The following CAMSAP3 variants were observed in gnomAD, a reference collection of about 807,000 sequenced individuals.
The protein encoded by CAMSAP3 is calmodulin regulated spectrin associated protein family member 3, also known as calmodulin-regulated spectrin-associated protein 3.
Under a neutral mutation model 112.5 loss-of-function variants are expected in CAMSAP3, and 34 were observed. The ratio of observed to expected loss-of-function variants is 0.30; its 90% CI spans 0.23 to 0.40. CAMSAP3 has a LOEUF of 0.40. Ranked by LOEUF, CAMSAP3 falls within the 10% of genes least tolerant of loss-of-function variation. The pLI is 1.00. For synonymous variants in CAMSAP3, 868 were observed against 799.8 expected, an observed-to-expected ratio of 1.09 and a Z score of -1.44; for missense variants, 1,602 against 1,770.3, an observed-to-expected ratio of 0.90 and a Z score of 1.71.
chr19:7,606,451 C>A, intron 3 of CAMSAP3, 25 bp from the exon 4 acceptor site: 1 of 1,608,416 alleles, frequency 6.2e-7, no homozygotes, highest in Non-Finnish European at 8.5e-7. Flanking sequence ...GTGGCCAGAC[C>A]ACTGACCCCC....
chr19:7,616,050 CAT>C, intron 13 of CAMSAP3, among the ~76,000 whole-genome samples: 1 of 140,468 alleles, frequency 7.1e-6, no homozygotes, highest in South Asian at 2.1e-4. Flanking sequence ...ATTAGCCGGG[CAT>C]ATGGCATGCC....
In CAMSAP3 at chr19:7,607,702, G is replaced by T; in HGVS notation, c.622-424G>T. 1 of 418,760 alleles carries T rather than the reference G, an allele frequency of 2.4e-6. No homozygotes were observed. The allele number at this position is 418,760 out of a possible 1,614,324, so 25.9% of individuals were successfully genotyped here. A position where few individuals can be genotyped will look rare whatever the true frequency, so the allele number is the denominator to read the frequency against. On this transcript the variant is annotated intron_variant, in intron 4 of 16. Transcript: ENST00000160298. The surrounding 1 kb of genome is among the most constrained non-coding windows in gnomAD (Gnocchi z 4.9). ...CGAAGCCGGCCAGAGCAGTCAGGGA[G>T]CTGGACGGCCGGGGCTCAGGACCAG...
rs1271240001 is a variant in CAMSAP3 at position 7,615,342 on chromosome 19, G to A, written c.2810+20G>A. 5.9e-6 allele frequency: 9 copies of A among 1,537,424 alleles called. No individual in the cohort carries two copies. Among genetic ancestry groups the A allele is most frequent in the Non-Finnish European group, 7.9e-6 (9 of 1,138,750 alleles). On this transcript the variant is annotated intron_variant, in intron 12 of 16. Coordinates refer to ENST00000160298, the MANE Select transcript of CAMSAP3 (RefSeq NM_020902.2). The surrounding 1 kb of genome is among the most constrained non-coding windows in gnomAD (Gnocchi z 6.5). ...CGCGAGGTGAGGCCGGGCCTGCCCG[G>A]GACGCCCGCTCCTTGGCCTGTCTGC...
At position 7,616,934 on chromosome 19, in the gene CAMSAP3, C is replaced by CTTTTTTTTTTTTTTTTT. The variant is rs545769780; in HGVS notation, c.3212+320_3212+336dup. On this transcript the variant is annotated intron_variant, in intron 14 of 16. Coordinates refer to ENST00000160298, the MANE Select transcript of CAMSAP3 (RefSeq NM_020902.2). ...CTCCTCTGCAGTGTGTGTGGCCCGC[C>CTTTTTTTTTTTTTTTTT]TTTTTTTTTTTTTTTTTTTTTTTTG... Among the ~76,000 whole-genome samples the CTTTTTTTTTTTTTTTTT allele has an allele frequency of 4.8e-4, 40 of 83,028 alleles. 1 individual carries two copies. The highest frequency in any genetic ancestry group is 1.7e-3 in the African/African-American group (32 of 19,120). The allele number at this position is 83,028 out of a possible 152,430, so 54.5% of individuals were successfully genotyped here. A position where few individuals can be genotyped will look rare whatever the true frequency, so the allele number is the denominator to read the frequency against.
At chr19:7,599,638 AT>A in intron 1 of CAMSAP3, among the ~76,000 whole-genome samples, 1 of 23,656 alleles carries the variant, frequency 4.2e-5, no homozygotes, top group Non-Finnish European at 7.7e-5. Flanking sequence ...CCACTCATCC[AT>A]CCACCCACCC....
In CAMSAP3 at chr19:7,595,895, G is replaced by GGCA. The variant is rs1464175836; in HGVS notation, c.-106_-105insAGC. The GGCA allele has an allele frequency of 3.0e-4, 138 of 460,800 alleles. No individual in the cohort carries two copies. Among genetic ancestry groups the GGCA allele is most frequent in the South Asian group, 1.2e-3 (14 of 11,706 alleles). The allele number at this position is 460,800 out of a possible 1,614,324, so 28.5% of individuals were successfully genotyped here. On this transcript the variant is annotated 5_prime_UTR_variant, in exon 1 of 17. Coordinates refer to ENST00000160298, the MANE Select transcript of CAMSAP3 (RefSeq NM_020902.2). ...GCTCAGCAGCGGCGGCGGCGGCGGC[G>GGCA]GCGGCAGCGGCGGTAGCAGCAGCGG... is the stretch of plus-strand genomic sequence containing the variant.
At chr19:7,603,225 T>C (rs1425364170) in intron 1 of CAMSAP3, among the ~76,000 whole-genome samples, 1 of 151,426 alleles carries the variant, frequency 6.6e-6, no homozygotes, top group Non-Finnish European at 1.5e-5. Context: ...TTTCTTTTTT[T>C]TTTTTTTAAG....
Position 7,612,306 on chromosome 19 carries a change from G to A in CAMSAP3, c.1813G>A (p.Ala605Thr), listed in dbSNP as rs1029081477. The change falls in exon 11 of 17, where the codon GCC becomes ACC. Residue 605 changes from alanine (A) to threonine (T), a missense_variant. Physicochemically the swap from Ala to Thr is moderately conservative, Grantham distance 58. Transcript: ENST00000160298. ...ALSSEMSELS[A>T]RLEEKRRAIE... Reference sequence around the variant, plus strand: ...GAGCTCGGAGATGAGTGAGCTCAGCGCCCGGCTGGAGGAGAAACGCAGAGC... The same window carrying A: ...GAGCTCGGAGATGAGTGAGCTCAGCACCCGGCTGGAGGAGAAACGCAGAGC... 4 of 1,604,920 alleles carry A rather than the reference G, an allele frequency of 2.5e-6. No homozygotes were observed. Among genetic ancestry groups the A allele is most frequent in the Non-Finnish European group, 3.4e-6 (4 of 1,177,242 alleles).
Position 7,607,889 on chromosome 19 carries a change from G to C in CAMSAP3, c.622-237G>C, listed in dbSNP as rs748482600. On this transcript the variant is annotated intron_variant, in intron 4 of 16. Coordinates refer to ENST00000160298, the MANE Select transcript of CAMSAP3 (RefSeq NM_020902.2). The surrounding 1 kb of genome is among the most constrained non-coding windows in gnomAD (Gnocchi z 4.9). ...CCATGGTAATGTATCCCCCGCCCCGGGGTCCCAGGAGTCCCTGTCCCCAGC... is the reference window on the plus strand; with the variant it reads ...CCATGGTAATGTATCCCCCGCCCCGCGGTCCCAGGAGTCCCTGTCCCCAGC... 1 of 1,016,756 alleles carries C rather than the reference G, an allele frequency of 9.8e-7. No homozygotes were observed. Among genetic ancestry groups the C allele is most frequent in the Non-Finnish European group, 1.5e-6 (1 of 669,810 alleles). 63.0% of individuals were successfully genotyped at this position (1,016,756 alleles called of 1,614,324 possible).
chr19:7,616,851 GGGA>G (rs142114327), intron 14 of CAMSAP3, among the ~76,000 whole-genome samples: 2,237 of 152,030 alleles, frequency 0.015, 45 homozygotes, highest in African/African-American at 0.05. Context: ...GTGTTCCTGT[GGGA>G]GGAGGACAGC....
chr19:7,606,767 C>G (rs759680625), intron 4 of CAMSAP3, 196 bp downstream of exon 4: 1 of 1,613,744 alleles, frequency 6.2e-7, no homozygotes, highest in African/African-American at 1.3e-5. Context: ...CTCTGCCTCT[C>G]TGGCCTCAGT....
In CAMSAP3 at chr19:7,596,137, G is replaced by T; in HGVS notation, c.135G>T (p.Ala45=). 1 of 1,172,184 alleles carries T rather than the reference G, an allele frequency of 8.5e-7. No individual in the cohort carries two copies. The highest frequency in any genetic ancestry group is 1.1e-6 in the Non-Finnish European group (1 of 928,422). The allele number at this position is 1,172,184 out of a possible 1,614,324, so 72.6% of individuals were successfully genotyped here. A position where few individuals can be genotyped will look rare whatever the true frequency, so the allele number is the denominator to read the frequency against. The change falls in exon 1 of 17, where the codon GCG becomes GCT. Residue 45 remains alanine (A), a synonymous_variant. Transcript: ENST00000160298. ...GCCTGGCGTGGGTGCTGCGGGCCGC[G>T]TTCGGGGGCGCAGGTACCGGGGCTC... The part of the protein sequence containing the change: ...AASLAWVLRA[A]FGGAEHVPPE...
intron 1 of CAMSAP3, among the ~76,000 whole-genome samples, chr19:7,596,679 C>T (rs2024450457): frequency 6.6e-6 from 1 of 152,002 alleles, no homozygotes; most frequent in Non-Finnish European, 1.5e-5. Context: ...CACCCCGCGT[C>T]GGCCCTGGCC....
At chr19:7,600,649 C>T (rs1297911251) in intron 1 of CAMSAP3, among the ~76,000 whole-genome samples, 2 of 82,724 alleles carry the variant, frequency 2.4e-5, no homozygotes, top group African/African-American at 5.2e-5. Context: ...TATCCATCCA[C>T]CCACCCACTC....
intron 1 of CAMSAP3, among the ~76,000 whole-genome samples, chr19:7,601,469 C>A (rs1455722046): frequency 6.6e-6 from 1 of 152,124 alleles, no homozygotes; most frequent in Non-Finnish European, 1.5e-5. Context: ...CAGACATGCG[C>A]CACCACGCCC....
Position 7,612,600 on chromosome 19 carries a change from G to A in CAMSAP3, c.2107G>A (p.Val703Ile). 6.5e-7 allele frequency: 1 copy of A among 1,531,746 alleles called. No individual in the cohort carries two copies. Among genetic ancestry groups the A allele is most frequent in the African/African-American group, 1.4e-5 (1 of 73,032 alleles). The allele number at this position is 1,531,746 out of a possible 1,614,324, so 94.9% of individuals were successfully genotyped here. A position where few individuals can be genotyped will look rare whatever the true frequency, so the allele number is the denominator to read the frequency against. ...GGGGCTGGGGGAATACAATCGAGCG[G>A]TCAGCAAGCTGAGTGCCGCCTTGAG... Reference protein sequence around the residue: ...HEGLGEYNRAVSKLSAALSSL... With the variant: ...HEGLGEYNRAISKLSAALSSL... The change falls in exon 11 of 17, where the codon GTC (valine) becomes ATC (isoleucine). Residue 703 changes from valine to isoleucine, a missense_variant. Physicochemically the swap from Val to Ile is conservative, Grantham distance 29 (BLOSUM62 3). Coordinates refer to ENST00000160298, the MANE Select transcript of CAMSAP3 (RefSeq NM_020902.2).
At chr19:7,602,999 G>A (rs1437367727) in intron 1 of CAMSAP3, among the ~76,000 whole-genome samples, 2 of 152,074 alleles carry the variant, frequency 1.3e-5, no homozygotes, top group African/African-American at 4.8e-5. Flanking sequence ...GAGCCAAGAT[G>A]AGAGGGGCAA....
intron 5 of CAMSAP3, among the ~76,000 whole-genome samples, chr19:7,608,517 G>C (rs898062127): frequency 2.0e-5 from 3 of 152,136 alleles, no homozygotes; most frequent in Non-Finnish European, 4.4e-5. Flanking sequence ...ATGGAGTGTG[G>C]ACTGTGTGCC....
At chr19:7,606,078 G>C (rs1369398191) in intron 2 of CAMSAP3, among the ~76,000 whole-genome samples, 193 bp from the exon 3 acceptor site, 4 of 151,992 alleles carry the variant, frequency 2.6e-5, no homozygotes, top group African/African-American at 9.7e-5. Flanking sequence ...ATCGTGCGTG[G>C]CTTTTCCGGG....
Sources: gnomAD v4.1 joint callset for allele counts (sites outside exome capture counted in the v4.1 genomes callset) on GRCh38, gnomAD v4.1.1 for gene constraint, Gnocchi (gnomAD v3.1) non-coding constraint, MANE v1.5 for transcripts, NCBI Gene and HGNC (gene_info 2026-07-23, HGNC 2026-07-21) for gene names.